Variants in CARD10 observed in about 807,000 individuals in gnomAD.
CARD10 encodes the protein caspase recruitment domain-containing protein 10.
CARD10 carries 49 observed loss-of-function variants against 114.6 expected under a neutral mutation model. The ratio of observed to expected loss-of-function variants is 0.43; its 90% CI spans 0.34 to 0.54. CARD10 has a LOEUF of 0.54. Ranked by LOEUF, CARD10 falls within the 20% of genes least tolerant of loss-of-function variation. The pLI is 0.03. For synonymous variants in CARD10, 602 were observed against 593.2 expected, an observed-to-expected ratio of 1.01 and a Z score of -0.21; for missense variants, 1,206 against 1,397.2, an observed-to-expected ratio of 0.86 and a Z score of 2.18.
chr22:37,491,570 G>GTA (rs1922782735), intron 19 of CARD10, among the ~76,000 whole-genome samples, 177 bp from the exon 20 acceptor site: 4 of 1,440 alleles, frequency 2.8e-3, no homozygotes, highest in South Asian at 0.018. Flanking sequence ...AGAGACGGGG[G>GTA]AGGGAGGGGG....
At chr22:37,504,567 C>T (rs1923336901) in intron 8 of CARD10, 68 bp downstream of exon 8, 1 of 1,457,676 alleles carries the variant, frequency 6.9e-7, no homozygotes, top group East Asian at 2.5e-5. Flanking sequence ...CTTCAGAAAG[C>T]ACTCTCCACA....
intron 3 of CARD10, among the ~76,000 whole-genome samples, chr22:37,510,799 G>A (rs1433321005): frequency 1.3e-5 from 2 of 152,216 alleles, no homozygotes; most frequent in Non-Finnish European, 2.9e-5. Context: ...GTGGGGCCAG[G>A]CACAGTGGCT....
chr22:37,503,223 G>A lies in CARD10; in HGVS notation c.1635-10C>T, dbSNP rs1923280338. On this transcript the variant is annotated splice_polypyrimidine_tract_variant and intron_variant, in intron 9 of 19. Transcript: ENST00000251973. ...CATGCTGCTGAAGGATCTGGGCAGA[G>A]AGAGGGCAGGGAGGGGGCAGGAGGT... 6.2e-7 allele frequency: 1 copy of A among 1,610,332 alleles called. No homozygotes were observed. Among genetic ancestry groups the A allele is most frequent in the Non-Finnish European group, 8.5e-7 (1 of 1,178,522 alleles).
intron 11 of CARD10, among the ~76,000 whole-genome samples, chr22:37,498,427 G>C (rs1923086251): frequency 6.6e-6 from 1 of 152,198 alleles, no homozygotes; most frequent in South Asian, 2.1e-4. Context: ...ACCTTGGCCT[G>C]GAGGAGGTGG....
At chr22:37,518,683 C>A (rs1357361064) in intron 1 of CARD10, among the ~76,000 whole-genome samples, 1 of 152,242 alleles carries the variant, frequency 6.6e-6, no homozygotes, top group Non-Finnish European at 1.5e-5. Flanking sequence ...CCAGCCGGCC[C>A]TGGCAGCCAC....
At chr22:37,518,196 C>T in intron 1 of CARD10, 88 bp from the exon 2 acceptor site, 1 of 1,336,844 alleles carries the variant, frequency 7.5e-7, no homozygotes, top group Non-Finnish European at 1.0e-6. Flanking sequence ...TGCTCCAGGC[C>T]CACGTTCCCC....
At chr22:37,504,585 T>A (rs1375510504) in intron 8 of CARD10, 50 bp downstream of exon 8, 1 of 1,455,668 alleles carries the variant, frequency 6.9e-7, no homozygotes, top group African/African-American at 1.4e-5. Flanking sequence ...ACATTAGTAA[T>A]AATGCTATAG....
At chr22:37,508,339 G>A (rs1385318870) in intron 5 of CARD10, among the ~76,000 whole-genome samples, 188 bp downstream of exon 5, 1 of 152,202 alleles carries the variant, frequency 6.6e-6, no homozygotes, top group Non-Finnish European at 1.5e-5. Flanking sequence ...TCAAGGAAAA[G>A]GCACCTTTGT....
intron 11 of CARD10, among the ~76,000 whole-genome samples, chr22:37,500,064 C>T (rs1330370731): frequency 6.6e-6 from 1 of 152,176 alleles, no homozygotes; most frequent in East Asian, 1.9e-4. Flanking sequence ...CCCAGGGCCC[C>T]GTGGGAAGAT....
rs1164830549 is a variant in CARD10, at chr22:37,519,250, G to A, written c.-50C>T. 2.8e-6 allele frequency: 4 copies of A among 1,445,674 alleles called. No individual in the cohort carries two copies. The highest frequency in any genetic ancestry group is 3.6e-6 in the Non-Finnish European group (4 of 1,101,092). 89.6% of individuals were successfully genotyped at this position (1,445,674 alleles called of 1,614,324 possible). On this transcript the variant is annotated 5_prime_UTR_variant, in exon 1 of 20. Transcript: ENST00000251973. The surrounding 1 kb of genome is among the most constrained non-coding windows in gnomAD (Gnocchi z 4.1). Reference sequence around the variant, plus strand: ...CAAGAGGCGCACGGGGGTCGACCAGGGCTCCCTAGGGCTAGATGTGCGGCC... The same window carrying A: ...CAAGAGGCGCACGGGGGTCGACCAGAGCTCCCTAGGGCTAGATGTGCGGCC...
Position 37,503,180 on chromosome 22 carries a change from G to C in CARD10, c.1663+5C>G. The C allele has an allele frequency of 6.2e-7, 1 of 1,611,164 alleles. No individual in the cohort carries two copies. Among genetic ancestry groups the C allele is most frequent in the Non-Finnish European group, 8.5e-7 (1 of 1,178,918 alleles). On this transcript the variant is annotated splice_donor_5th_base_variant and intron_variant, in intron 10 of 19. Coordinates refer to ENST00000251973, the MANE Select transcript of CARD10 (RefSeq NM_014550.4). ...GCCCTCCCCACGGAACTCAAGGGCT[G>C]TTACCTGTGATGTCTGACATGCTGC...
At position 37,502,633 on chromosome 22, in the gene CARD10, C is replaced by A. The variant is rs770643153; in HGVS notation, c.1756G>T (p.Ala586Ser). 3 of 1,613,800 alleles carry A rather than the reference C, an allele frequency of 1.9e-6. No homozygotes were observed. The highest frequency in any genetic ancestry group is 2.5e-6 in the Non-Finnish European group (3 of 1,179,954). Reference protein sequence around the residue: ...WPLGKPEGLLARGCGLDFLNR... With the variant: ...WPLGKPEGLLSRGCGLDFLNR... ...AGGAAGTCCAGGCCACAGCCCCGAG[C>A]CAGGAGGCCTTCCGGCTTTCCCAAA... The change falls in exon 11 of 20, where the codon GCT becomes TCT. Residue 586 changes from alanine (A) to serine (S), a missense_variant. Coordinates refer to ENST00000251973, the MANE Select transcript of CARD10 (RefSeq NM_014550.4).
intron 4 of CARD10, 91 bp downstream of exon 4, chr22:37,510,121 A>C (rs568616517): frequency 2.6e-5 from 20 of 756,710 alleles, no homozygotes; most frequent in African/African-American, 9.6e-5. Flanking sequence ...CTGATCCCCC[A>C]CCCCGCAGCC....
chr22:37,493,312 G>C (rs1490201594), intron 16 of CARD10, among the ~76,000 whole-genome samples: 2 of 152,166 alleles, frequency 1.3e-5, no homozygotes, highest in Non-Finnish European at 2.9e-5. Flanking sequence ...TCAGAGCCTA[G>C]GTCACACCTT....
At chr22:37,515,473 G>A (rs1426286398) in intron 3 of CARD10, among the ~76,000 whole-genome samples, 1 of 147,230 alleles carries the variant, frequency 6.8e-6, no homozygotes, top group Admixed American at 7.0e-5. Flanking sequence ...TGAGGCAGGA[G>A]AATCGCTGGA....
Position 37,491,105 on chromosome 22 carries a change from T to G in CARD10, c.*54A>C. On this transcript the variant is annotated 3_prime_UTR_variant, in exon 20 of 20. Coordinates refer to ENST00000251973, the MANE Select transcript of CARD10 (RefSeq NM_014550.4). ...AGGGTGGGAGGGCCCAGCTTCACCA[T>G]AGACACCAGGGTCCACGCTGGCTTG... 1 of 1,405,316 alleles carries G rather than the reference T, an allele frequency of 7.1e-7. No homozygotes were observed. Among genetic ancestry groups the G allele is most frequent in the Non-Finnish European group, 9.8e-7 (1 of 1,022,974 alleles). 87.1% of individuals were successfully genotyped at this position (1,405,316 alleles called of 1,614,324 possible).
In CARD10 at chr22:37,492,321, G is replaced by T; in HGVS notation, c.2751+114C>A. On this transcript the variant is annotated intron_variant, in intron 18 of 19. Transcript: ENST00000251973. The surrounding 1 kb of genome is among the most constrained non-coding windows in gnomAD (Gnocchi z 5.7). ...GAAAGGACTTGGCCAGGGCCGCCCT[G>T]CCAGTGAGCAGCAGAGCATGGCCCG... The T allele has an allele frequency of 3.8e-6, 3 of 793,990 alleles. No homozygotes were observed. The highest frequency in any genetic ancestry group is 1.7e-5 in the African/African-American group (1 of 58,072). 49.2% of individuals were successfully genotyped at this position (793,990 alleles called of 1,614,324 possible). A position where few individuals can be genotyped will look rare whatever the true frequency, so the allele number is the denominator to read the frequency against.
Position 37,519,048 on chromosome 22 carries a change from C to T in CARD10, c.153G>A (p.Leu51=). ...GCTCGTCGATGACCCGGCACTGGCG[C>T]AGATACGGCGTGAGCTTGGCCGGGT... The part of the protein sequence containing the change: ...ALNPAKLTPY[L]RQCRVIDEQD... The change falls in exon 1 of 20, where the codon CTG becomes CTA. Residue 51 remains leucine, a synonymous_variant. Coordinates refer to ENST00000251973, the MANE Select transcript of CARD10 (RefSeq NM_014550.4). The surrounding 1 kb of genome is among the most constrained non-coding windows in gnomAD (Gnocchi z 4.1). The T allele has an allele frequency of 6.3e-7, 1 of 1,595,814 alleles. No homozygotes were observed. The highest frequency in any genetic ancestry group is 1.7e-5 in the Admixed American group (1 of 59,644).
rs758317333 is a variant in CARD10 at position 37,502,701 on chromosome 22, G to T, written c.1688C>A (p.Ser563Tyr). ...ITGSVTLKPW[S>Y]PGLSSSSSSD... ...GGATGAGGACGAAGAGAGGCCAGGGGACCAGGGCTTAAGTGTCACACTCCC... is the reference window on the plus strand; with the variant it reads ...GGATGAGGACGAAGAGAGGCCAGGGTACCAGGGCTTAAGTGTCACACTCCC... Residue 563 changes from serine (S) to tyrosine (Y), a missense_variant, in exon 11 of 20, where the codon TCC becomes TAC. This residue lies in a region of CARD10 where 1,068 missense variants were observed against 1,179.1 expected (regional missense o/e 0.91). Transcript: ENST00000251973. 10 of 1,613,624 alleles carry T rather than the reference G, an allele frequency of 6.2e-6. No individual in the cohort carries two copies. The highest frequency in any genetic ancestry group is 8.5e-6 in the Non-Finnish European group (10 of 1,179,848).
Sources: gnomAD v4.1 joint callset for allele counts (sites outside exome capture counted in the v4.1 genomes callset) on GRCh38, gnomAD v4.1.1 for gene constraint, gnomAD v4.1.1 regional missense constraint, Gnocchi (gnomAD v3.1) non-coding constraint, MANE v1.5 for transcripts, NCBI Gene and HGNC (gene_info 2026-07-23, HGNC 2026-07-21) for gene names.